WWOX: variants seen among roughly 807,000 people sequenced by gnomAD.
WWOX encodes the protein WW domain-containing oxidoreductase.
A neutral mutation model predicts 46.2 loss-of-function variants in WWOX; 69 were observed. The ratio of observed to expected loss-of-function variants is 1.49; its 90% CI spans 1.23 to 1.82. The LOEUF (loss-of-function observed/expected upper bound fraction) is 1.82, where lower values mean the gene tolerates loss of function less well. Among genes scored for constraint, WWOX ranks in the 40% most tolerant of loss-of-function variants. The pLI is 0.00. For missense variants in WWOX, 919 were observed against 542.6 expected, an observed-to-expected ratio of 1.69 and a Z score of -6.89; for synonymous variants, 359 against 202.6, an observed-to-expected ratio of 1.77 and a Z score of -6.56.
chr16:78,792,695 T>A (rs1487984349), intron 8 of WWOX, among the ~76,000 whole-genome samples: 1 of 152,146 alleles, frequency 6.6e-6, no homozygotes, highest in Admixed American at 6.6e-5. Flanking sequence ...GAGCTTACTA[T>A]ACAAGTCTAT....
chr16:78,829,438 A>G (rs961882497), intron 8 of WWOX, among the ~76,000 whole-genome samples: 1 of 152,218 alleles, frequency 6.6e-6, no homozygotes, highest in Non-Finnish European at 1.5e-5. Flanking sequence ...AGTTTTACTC[A>G]GTCTACTGAT....
chr16:78,749,147 C>T (rs1420915057), intron 8 of WWOX, among the ~76,000 whole-genome samples: 1 of 152,200 alleles, frequency 6.6e-6, no homozygotes, highest in Non-Finnish European at 1.5e-5. Flanking sequence ...CAAGGGCTGT[C>T]TGCATGGGTA....
chr16:78,652,254 C>T (rs2046981892), intron 8 of WWOX, among the ~76,000 whole-genome samples: 2 of 150,770 alleles, frequency 1.3e-5, no homozygotes, highest in South Asian at 2.1e-4. Flanking sequence ...ACTAAAAATC[C>T]AAAAATTAGC....
intron 8 of WWOX, among the ~76,000 whole-genome samples, chr16:78,785,770 A>G (rs184941636): frequency 1.3e-5 from 2 of 152,304 alleles, no homozygotes; most frequent in East Asian, 1.9e-4. Flanking sequence ...ATATGTCAGA[A>G]CTTCACTTAT....
At chr16:78,892,768 G>T (rs1255843744) in intron 8 of WWOX, among the ~76,000 whole-genome samples, 1 of 152,194 alleles carries the variant, frequency 6.6e-6, no homozygotes, top group African/African-American at 2.4e-5. Context: ...TCTAACCTCT[G>T]TTGTAGAGTT....
At chr16:78,494,959 C>G (rs1328279151) in intron 8 of WWOX, among the ~76,000 whole-genome samples, 1 of 152,150 alleles carries the variant, frequency 6.6e-6, no homozygotes, top group African/African-American at 2.4e-5. Flanking sequence ...AGCTCACCGC[C>G]ATCAGATGAG....
Position 78,099,747 on chromosome 16 carries a change from G to A in WWOX, c.-32G>A, listed in dbSNP as rs1165026522. ...TGAGCGAGTGGACCCGGCAGCGGGC[G>A]ATAGGGGGGCCAGGTGCCTCCACAG... On this transcript the variant is annotated 5_prime_UTR_variant, in exon 1 of 9. Transcript: ENST00000566780. 1 of 1,521,470 alleles carries A rather than the reference G, an allele frequency of 6.6e-7. No individual in the cohort carries two copies. Among genetic ancestry groups the A allele is most frequent in the South Asian group, 1.2e-5 (1 of 80,640 alleles). 94.2% of individuals were successfully genotyped at this position (1,521,470 alleles called of 1,614,324 possible).
intron 5 of WWOX, among the ~76,000 whole-genome samples, chr16:78,358,581 C>A (rs1013785317): frequency 2.0e-5 from 3 of 152,130 alleles, no homozygotes; most frequent in African/African-American, 4.8e-5. Context: ...TCGCTTGAAC[C>A]TGGGAAGTGG....
intron 5 of WWOX, among the ~76,000 whole-genome samples, chr16:78,229,586 GAGTGATT>G (rs1169289554): frequency 6.6e-6 from 1 of 151,112 alleles, no homozygotes; most frequent in Non-Finnish European, 1.5e-5. Context: ...CTAGGACTTA[GAGTGATT>G]AGCTTGAGGC....
intron 8 of WWOX, among the ~76,000 whole-genome samples, chr16:78,894,020 T>TTTATTATTATTA (rs6145911): frequency 0.44 from 61,074 of 139,600 alleles, 14,973 homozygotes; most frequent in Non-Finnish European, 0.54. Flanking sequence ...TATTGAGGCT[T>TTTATTATTATTA]TTATTATTAT....
chr16:78,227,032 T>C (rs901493689), intron 5 of WWOX, among the ~76,000 whole-genome samples: 1 of 152,232 alleles, frequency 6.6e-6, no homozygotes, highest in Non-Finnish European at 1.5e-5. Context: ...TTTACTTCTT[T>C]AGTTCACAAT....
chr16:78,345,167 A>C (rs74880189), intron 5 of WWOX, among the ~76,000 whole-genome samples: 1 of 117,760 alleles, frequency 8.5e-6, no homozygotes, highest in Middle Eastern at 3.8e-3. Context: ...GGAGCAGTAC[A>C]TGGGGGTATA....
At chr16:78,752,545 A>G (rs1693117270) in intron 8 of WWOX, among the ~76,000 whole-genome samples, 1 of 152,210 alleles carries the variant, frequency 6.6e-6, no homozygotes, top group Non-Finnish European at 1.5e-5. Flanking sequence ...TGCTGAGATT[A>G]CAGGTGTGAG....
At chr16:78,645,217 CT>C (rs2046811393) in intron 8 of WWOX, among the ~76,000 whole-genome samples, 1 of 152,076 alleles carries the variant, frequency 6.6e-6, no homozygotes, top group South Asian at 2.1e-4. Context: ...TTGTTCTACC[CT>C]TGAGGAGGGT....
chr16:78,140,230 C>A (rs1056477962), intron 4 of WWOX, among the ~76,000 whole-genome samples: 1 of 152,170 alleles, frequency 6.6e-6, no homozygotes, highest in African/African-American at 2.4e-5. Context: ...ATACAGTCCA[C>A]CCCCTGCACC....
intron 8 of WWOX, among the ~76,000 whole-genome samples, chr16:78,626,979 G>C (rs535549752): frequency 6.6e-6 from 1 of 152,072 alleles, no homozygotes; most frequent in Admixed American, 6.6e-5. Flanking sequence ...GGTGTGGTGT[G>C]TTTTTATCTT....
At chr16:79,098,699 A>G (rs2049128555) in intron 8 of WWOX, among the ~76,000 whole-genome samples, 1 of 152,238 alleles carries the variant, frequency 6.6e-6, no homozygotes, top group Admixed American at 6.5e-5. Context: ...ATACATGTCT[A>G]CTAGGCAGGT....
Position 78,350,304 on chromosome 16 carries a change from C to T in WWOX, c.517-36556C>T, listed in dbSNP as rs149001698. On this transcript the variant is annotated intron_variant, in intron 5 of 8. Coordinates refer to ENST00000566780, the MANE Select transcript of WWOX (RefSeq NM_016373.4). ...ACTTTATTGATATATAACACAGATA[C>T]ATAAACTTTGCCCATTCAAAATGTA... 6.6e-3 allele frequency among the ~76,000 whole-genome samples: 806 copies of T among 121,698 alleles called. 172 individuals carry two copies. The highest frequency in any genetic ancestry group is 0.021 in the African/African-American group (765 of 35,944). 79.8% of individuals were successfully genotyped at this position (121,698 alleles called of 152,430 possible). A position where few individuals can be genotyped will look rare whatever the true frequency, so the allele number is the denominator to read the frequency against.
At chr16:78,373,524 T>G (rs2081745303) in intron 5 of WWOX, among the ~76,000 whole-genome samples, 1 of 152,196 alleles carries the variant, frequency 6.6e-6, no homozygotes, top group South Asian at 2.1e-4. Context: ...TTAGGAAATG[T>G]GGCTTTCTGT....
Sources: gnomAD v4.1 joint callset for allele counts (sites outside exome capture counted in the v4.1 genomes callset) on GRCh38, gnomAD v4.1.1 for gene constraint, MANE v1.5 for transcripts, NCBI Gene and HGNC (gene_info 2026-07-23, HGNC 2026-07-21) for gene names.